AAK1: variants seen among roughly 807,000 people sequenced by gnomAD.
AAK1 encodes the protein AP2-associated protein kinase 1.
In AAK1, 37 loss-of-function variants were observed where a neutral mutation model predicts 116.0. That is an observed-to-expected ratio of 0.32 (90% CI 0.25 to 0.42). The LOEUF (loss-of-function observed/expected upper bound fraction) is 0.42. AAK1 is among the 10% of genes least tolerant of loss of function. The pLI is 1.00. For synonymous variants in AAK1, 458 were observed against 439.9 expected, an observed-to-expected ratio of 1.04 and a Z score of -0.51; for missense variants, 919 against 1,170.6, an observed-to-expected ratio of 0.79 and a Z score of 3.14.
At chr2:69,558,704 G>A (rs1209592942) in intron 2 of AAK1, among the ~76,000 whole-genome samples, 1 of 152,228 alleles carries the variant, frequency 6.6e-6, no homozygotes, top group South Asian at 2.1e-4. Context: ...TAAGTCTTCA[G>A]TATGGGAATT....
chr2:69,513,344 G>T (rs1204426628), intron 13 of AAK1, among the ~76,000 whole-genome samples: 1 of 151,336 alleles, frequency 6.6e-6, no homozygotes, highest in African/African-American at 2.4e-5. Context: ...TTTTGAGATG[G>T]AGTCTTGCTC....
Position 69,469,169 on chromosome 2 carries a change from C to T in AAK1, c.*6700G>A, listed in dbSNP as rs919256133. ...CTTTCTATTCTTGTTAGAGGAGGTA[C>T]AGTGTGGCTGAGGCGGAGAGCAACC... On this transcript the variant is annotated 3_prime_UTR_variant, in exon 22 of 22. Transcript: ENST00000409085. The T allele has an allele frequency of 1.0e-6, 1 of 985,246 alleles. No homozygotes were observed. The allele number at this position is 985,246 out of a possible 1,614,324, so 61.0% of individuals were successfully genotyped here.
chr2:69,624,749 G>C lies in AAK1; in HGVS notation c.163+18129C>G, dbSNP rs1039437540. Among the ~76,000 whole-genome samples, 11 of 152,090 alleles carry C rather than the reference G, an allele frequency of 7.2e-5. 1 individual carries two copies. The highest frequency in any genetic ancestry group is 4.6e-4 in the Admixed American group (7 of 15,272). On this transcript the variant is annotated intron_variant, in intron 2 of 21. Coordinates refer to ENST00000409085, the MANE Select transcript of AAK1 (RefSeq NM_014911.5). ...ACCTCATCTGAGAGTCTCCAGCAGA[G>C]CCCTACTGAGATATAAGCACATCCA...
At chr2:69,547,483 T>A (rs1359658957) in intron 3 of AAK1, among the ~76,000 whole-genome samples, 1 of 152,080 alleles carries the variant, frequency 6.6e-6, no homozygotes, top group African/African-American at 2.4e-5. Context: ...AAAGAGCATA[T>A]ACAAATGCCC....
At chr2:69,541,655 C>A (rs960515685) in intron 5 of AAK1, among the ~76,000 whole-genome samples, 1 of 152,086 alleles carries the variant, frequency 6.6e-6, no homozygotes, top group South Asian at 2.1e-4. Context: ...TTAGAGTATA[C>A]AAAAACCACC....
Position 69,483,693 on chromosome 2 carries a change from T to C in AAK1, c.2366-881A>G, listed in dbSNP as rs76001098. Among the ~76,000 whole-genome samples the C allele has an allele frequency of 7.8e-3, 1,181 of 152,356 alleles. 11 individuals are homozygous for C. Among genetic ancestry groups the C allele is most frequent in the African/African-American group, 0.027 (1,115 of 41,584 alleles). On this transcript the variant is annotated intron_variant, in intron 17 of 21. Transcript: ENST00000409085. ...CTAAGCTGACTTCAACGATCATTTA[T>C]TGTCTGCCAACTATGCACCTGTGAC... is the stretch of plus-strand genomic sequence containing the variant.
chr2:69,466,655 G>C lies in AAK1; in HGVS notation c.*9214C>G. ...AAAAACATTGTGGGACCAAATAATA[G>C]ATGTTGAAAATGCAACAGGAAAAAC... On this transcript the variant is annotated 3_prime_UTR_variant, in exon 22 of 22. Transcript: ENST00000409085. The C allele has an allele frequency of 1.0e-5, 11 of 1,082,030 alleles. No homozygotes were observed. The highest frequency in any genetic ancestry group is 1.2e-5 in the Non-Finnish European group (11 of 885,690). The allele number at this position is 1,082,030 out of a possible 1,614,324, so 67.0% of individuals were successfully genotyped here.
In AAK1 at chr2:69,474,387, AAGTGCTTT is replaced by A. The variant is rs1674778483; in HGVS notation, c.*1474_*1481del. ...TCTTTTCAAAAGGGTGATTTTATAAAAGTGCTTTCCACATAAGGAAATAAAATACACTT... is the reference window on the plus strand; with the variant it reads ...TCTTTTCAAAAGGGTGATTTTATAAACCACATAAGGAAATAAAATACACTT... On this transcript the variant is annotated 3_prime_UTR_variant, in exon 22 of 22. Transcript: ENST00000409085. 4.4e-5 allele frequency: 43 copies of A among 985,840 alleles called. No individual in the cohort carries two copies. In the South Asian group the frequency reaches 1.4e-3, roughly 31 times the overall value. The allele number at this position is 985,840 out of a possible 1,614,324, so 61.1% of individuals were successfully genotyped here.
rs1674561846 is a variant in AAK1, at chr2:69,468,468, A to ATT, written c.*7399_*7400dup. The ATT allele has an allele frequency of 5.1e-6, 5 of 985,314 alleles. No homozygotes were observed. Among genetic ancestry groups the ATT allele is most frequent in the Non-Finnish European group, 6.0e-6 (5 of 829,938 alleles). The allele number at this position is 985,314 out of a possible 1,614,324, so 61.0% of individuals were successfully genotyped here. Reference sequence around the variant, plus strand: ...TTTCAGTTGCCAAAACAAAAGCACAATTTCTCATCTTCCAAAACTACCTTG... The same window carrying ATT: ...TTTCAGTTGCCAAAACAAAAGCACAATTTTTCTCATCTTCCAAAACTACCTTG... On this transcript the variant is annotated 3_prime_UTR_variant, in exon 22 of 22. Coordinates refer to ENST00000409085, the MANE Select transcript of AAK1 (RefSeq NM_014911.5).
chr2:69,465,714 T>C lies in AAK1; in HGVS notation c.*10155A>G. 7.7e-7 allele frequency: 1 copy of C among 1,290,874 alleles called. No homozygotes were observed. The highest frequency in any genetic ancestry group is 1.2e-5 in the South Asian group (1 of 81,026). The allele number at this position is 1,290,874 out of a possible 1,614,324, so 80.0% of individuals were successfully genotyped here. A position where few individuals can be genotyped will look rare whatever the true frequency, so the allele number is the denominator to read the frequency against. ...CTGGAGCTGAGGTCCTTTGTTTCTGTCATTAGAATGACCCCCAGATTCCAG... is the reference window on the plus strand; with the variant it reads ...CTGGAGCTGAGGTCCTTTGTTTCTGCCATTAGAATGACCCCCAGATTCCAG... On this transcript the variant is annotated 3_prime_UTR_variant, in exon 22 of 22. Coordinates refer to ENST00000409085, the MANE Select transcript of AAK1 (RefSeq NM_014911.5).
rs1256829660 is a variant in AAK1 at position 69,464,034 on chromosome 2, T to A, written c.*11835A>T. On this transcript the variant is annotated 3_prime_UTR_variant, in exon 22 of 22. Transcript: ENST00000409085. ...TCTTTCCAGAAATAAAAGACAATTT[T>A]AAAAAACATCAGTTAACCTGTCTGG... 5 of 152,622 alleles carry A rather than the reference T, an allele frequency of 3.3e-5. No homozygotes were observed. The highest frequency in any genetic ancestry group is 2.6e-4 in the Admixed American group (4 of 15,278). The allele number at this position is 152,622 out of a possible 1,614,324, so 9.5% of individuals were successfully genotyped here.
At chr2:69,599,934 T>C (rs906162111) in intron 2 of AAK1, among the ~76,000 whole-genome samples, 14 of 150,916 alleles carry the variant, frequency 9.3e-5, no homozygotes, top group Non-Finnish European at 2.9e-5. Flanking sequence ...TATGCCACCA[T>C]ATCCAGCTAA....
intron 19 of AAK1, among the ~76,000 whole-genome samples, chr2:69,479,453 CT>C (rs1674999990): frequency 6.6e-6 from 1 of 152,170 alleles, no homozygotes; most frequent in Non-Finnish European, 1.5e-5. Flanking sequence ...GATTTGGATG[CT>C]GAGCTAACTT....
intron 14 of AAK1, 126 bp downstream of exon 14, chr2:69,509,105 C>A: frequency 1.3e-6 from 1 of 745,806 alleles, no homozygotes; most frequent in Non-Finnish European, 2.2e-6. Context: ...AATAAACAAA[C>A]ACAAGTACAC....
At chr2:69,591,308 T>A (rs550666236) in intron 2 of AAK1, among the ~76,000 whole-genome samples, 2 of 152,054 alleles carry the variant, frequency 1.3e-5, no homozygotes, top group Admixed American at 1.3e-4. Flanking sequence ...ACCAGTAAGG[T>A]CTACTGACCA....
At chr2:69,581,439 T>C (rs1373031907) in intron 2 of AAK1, among the ~76,000 whole-genome samples, 3 of 152,110 alleles carry the variant, frequency 2.0e-5, no homozygotes, top group African/African-American at 4.8e-5. Flanking sequence ...CAGTGTGGCA[T>C]TGTAGAGTGA....
chr2:69,614,647 T>G (rs1398949535), intron 2 of AAK1, among the ~76,000 whole-genome samples: 1 of 152,208 alleles, frequency 6.6e-6, no homozygotes, highest in African/African-American at 2.4e-5. Context: ...AAGGTCCATG[T>G]CCTAAGCCCA....
intron 2 of AAK1, among the ~76,000 whole-genome samples, chr2:69,629,967 A>G (rs1675089686): frequency 6.6e-6 from 1 of 152,190 alleles, no homozygotes; most frequent in South Asian, 2.1e-4. Flanking sequence ...AATCTTAGGT[A>G]GGACTAAGGT....
chr2:69,564,140 C>T (rs1671767161), intron 2 of AAK1, among the ~76,000 whole-genome samples: 1 of 151,074 alleles, frequency 6.6e-6, no homozygotes, highest in Non-Finnish European at 1.5e-5. Flanking sequence ...TTCAGTGAGC[C>T]GAGATCACGC....
Sources: allele counts gnomAD v4.1 joint callset (sites outside exome capture counted in the v4.1 genomes callset), GRCh38; gene constraint gnomAD v4.1.1; transcripts MANE v1.5; gene names NCBI Gene and HGNC (gene_info 2026-07-23, HGNC 2026-07-21).